PIK3R6: variants seen among roughly 807,000 people sequenced by gnomAD.
PIK3R6 encodes phosphoinositide-3-kinase regulatory subunit 6.
A neutral mutation model predicts 84.9 loss-of-function variants in PIK3R6; 91 were observed. The ratio of observed to expected loss-of-function variants is 1.07; its 90% CI spans 0.90 to 1.28. The LOEUF is 1.28. Among genes scored for constraint, PIK3R6 ranks in the 50% most tolerant of loss-of-function variants. The pLI, the probability that PIK3R6 is intolerant of heterozygous loss-of-function variation, is 0.00. For missense variants in PIK3R6, 996 were observed against 985.1 expected (o/e 1.01, Z -0.15); for synonymous variants, 416 against 411.4 (o/e 1.01, Z -0.13).
At chr17:8,814,697 C>T (rs1378157765) in intron 18 of PIK3R6, among the ~76,000 whole-genome samples, 2 of 152,048 alleles carry the variant, frequency 1.3e-5, no homozygotes, top group Non-Finnish European at 2.9e-5. Flanking sequence ...GGTCAAACAT[C>T]CTACTATTCA....
chr17:8,822,238 C>T (rs767344997), intron 16 of PIK3R6, among the ~76,000 whole-genome samples: 3 of 152,024 alleles, frequency 2.0e-5, no homozygotes, highest in Non-Finnish European at 4.4e-5. Flanking sequence ...CAGATAAAGG[C>T]TTAAAGCACT....
chr17:8,853,274 A>G (rs2089024476), intron 1 of PIK3R6, among the ~76,000 whole-genome samples: 2 of 151,894 alleles, frequency 1.3e-5, no homozygotes, highest in Admixed American at 1.3e-4. Context: ...TCACAGGATC[A>G]GCAGATGGAG....
At chr17:8,821,720 G>C in intron 17 of PIK3R6, 126 bp downstream of exon 17, 1 of 1,043,208 alleles carries the variant, frequency 9.6e-7, no homozygotes, top group Non-Finnish European at 1.4e-6. Context: ...CAGTCACCAA[G>C]TCCTGGTCCT....
At chr17:8,835,248 A>G (rs1469390327) in intron 8 of PIK3R6, 25 bp downstream of exon 8, 1 of 1,491,426 alleles carries the variant, frequency 6.7e-7, no homozygotes, top group African/African-American at 1.4e-5. Flanking sequence ...TGGGACTGAC[A>G]AGGGGCTGCA....
chr17:8,847,906 C>A (rs1488349518), intron 2 of PIK3R6, among the ~76,000 whole-genome samples: 1 of 152,120 alleles, frequency 6.6e-6, no homozygotes, highest in Non-Finnish European at 1.5e-5. Context: ...ATCTGCCACA[C>A]CTTTGGAGGG....
rs1320581313 is a variant in PIK3R6 at position 8,804,106 on chromosome 17, C to T, written c.2043G>A (p.Arg681=). 2 of 1,613,920 alleles carry T rather than the reference C, an allele frequency of 1.2e-6. No individual in the cohort carries two copies. The highest frequency in any genetic ancestry group is 1.7e-6 in the Non-Finnish European group (2 of 1,179,900). Residue 681 remains arginine (R), a synonymous_variant, in exon 19 of 20, where the codon CGG becomes CGA. Coordinates refer to ENST00000619866, the MANE Select transcript of PIK3R6 (RefSeq NM_001010855.4). ...FRTNNIQIQS[R]DQRLLTLSLD... Reference sequence around the variant, plus strand: ...GCGACAGTGTCAGCAGCCTCTGGTCCCGGCTCTGGATCTGGATATTGTTCG... The same window carrying T: ...GCGACAGTGTCAGCAGCCTCTGGTCTCGGCTCTGGATCTGGATATTGTTCG...
intron 17 of PIK3R6, among the ~76,000 whole-genome samples, chr17:8,821,224 T>A (rs768079574): frequency 2.0e-5 from 3 of 152,222 alleles, no homozygotes; most frequent in Non-Finnish European, 4.4e-5. Flanking sequence ...TGCATGAGAA[T>A]ACCTGGGTTT....
At chr17:8,835,058 G>A (rs2088404900) in intron 8 of PIK3R6, among the ~76,000 whole-genome samples, 1 of 152,144 alleles carries the variant, frequency 6.6e-6, no homozygotes. Flanking sequence ...GGCTGGTCTT[G>A]AACTCCTGAC....
chr17:8,865,995 C>A (rs750356398), intron 1 of PIK3R6, among the ~76,000 whole-genome samples: 3 of 152,148 alleles, frequency 2.0e-5, no homozygotes, highest in Non-Finnish European at 2.9e-5. Flanking sequence ...TCTGCAGCCA[C>A]CGTGTCAGCC....
intron 15 of PIK3R6, 47 bp from the exon 16 acceptor site, chr17:8,822,704 T>C: frequency 1.3e-6 from 2 of 1,576,224 alleles, no homozygotes; most frequent in Non-Finnish European, 1.7e-6. Context: ...CCCAGGCCTC[T>C]TGCCCTAACT....
At chr17:8,837,069 A>G in intron 5 of PIK3R6, 146 bp from the exon 6 acceptor site, 1 of 652,876 alleles carries the variant, frequency 1.5e-6, no homozygotes, top group East Asian at 2.7e-5. Context: ...ACCTGGGCTC[A>G]CAGCTCTCTC....
chr17:8,813,942 A>G (rs1421803534), intron 18 of PIK3R6, among the ~76,000 whole-genome samples: 1 of 152,230 alleles, frequency 6.6e-6, no homozygotes, highest in African/African-American at 2.4e-5. Context: ...AGGCATCCAA[A>G]TTGGAAAAGA....
chr17:8,827,763 G>GGAGGGA, intron 12 of PIK3R6, among the ~76,000 whole-genome samples: 1 of 34,838 alleles, frequency 2.9e-5, no homozygotes, highest in South Asian at 9.0e-4. Context: ...GAGAGAGAGA[G>GGAGGGA]GAGAGAGAGA....
Position 8,839,123 on chromosome 17 carries a change from G to A in PIK3R6, c.98-468C>T, listed in dbSNP as rs752427916. On this transcript the variant is annotated intron_variant, in intron 3 of 19. Coordinates refer to ENST00000619866, the MANE Select transcript of PIK3R6 (RefSeq NM_001010855.4). The surrounding 1 kb of genome is among the most constrained non-coding windows in gnomAD (Gnocchi z 4.2). Reference sequence around the variant, plus strand: ...AGCACTTTGGGAGGCTGAGACAGGCGGGTCACTTGCGGTCAGGAGTTCGAG... The same window carrying A: ...AGCACTTTGGGAGGCTGAGACAGGCAGGTCACTTGCGGTCAGGAGTTCGAG... Among the ~76,000 whole-genome samples the A allele has an allele frequency of 1.1e-4, 16 of 152,234 alleles. No homozygotes were observed. The highest frequency in any genetic ancestry group is 1.6e-4 in the Non-Finnish European group (11 of 68,014).
At chr17:8,821,622 C>T (rs1454762424) in intron 17 of PIK3R6, among the ~76,000 whole-genome samples, 1 of 152,176 alleles carries the variant, frequency 6.6e-6, no homozygotes, top group African/African-American at 2.4e-5. Context: ...GTCCCTCCAC[C>T]TTCCAGCTAT....
At position 8,825,806 on chromosome 17, in the gene PIK3R6, A is replaced by G. The variant is rs866039465; in HGVS notation, c.1515+1366T>C. Among the ~76,000 whole-genome samples, 17 of 152,382 alleles carry G rather than the reference A, an allele frequency of 1.1e-4. 1 individual carries two copies. The Middle Eastern group carries it at 0.02, about 183-fold the overall frequency. On this transcript the variant is annotated intron_variant, in intron 13 of 19. Coordinates refer to ENST00000619866, the MANE Select transcript of PIK3R6 (RefSeq NM_001010855.4). ...ATGACTCCAAAGGCAGAAACTGTAA[A>G]GAATAAAAGTGCTATGTCTGACTAC...
Position 8,833,940 on chromosome 17 carries a change from A to C in PIK3R6, c.646-895T>G, listed in dbSNP as rs1320986954. Among the ~76,000 whole-genome samples the C allele has an allele frequency of 2.0e-5, 3 of 151,658 alleles. No homozygotes were observed. The East Asian group carries it at 6.0e-4, about 30-fold the overall frequency. ...TCTCAGCACTTTGGAAGGCCGGGGT[A>C]GGTGGATCACGAGGTCAGGAGATGG... On this transcript the variant is annotated intron_variant, in intron 8 of 19. Coordinates refer to ENST00000619866, the MANE Select transcript of PIK3R6 (RefSeq NM_001010855.4).
intron 2 of PIK3R6, among the ~76,000 whole-genome samples, chr17:8,847,214 T>G (rs979378388): frequency 6.6e-6 from 1 of 152,160 alleles, no homozygotes; most frequent in African/African-American, 2.4e-5. Context: ...TGTCACATAT[T>G]GCCTCTCCAA....
At chr17:8,858,227 T>C (rs775212744) in intron 1 of PIK3R6, among the ~76,000 whole-genome samples, 6 of 151,814 alleles carry the variant, frequency 4.0e-5, no homozygotes, top group Non-Finnish European at 8.8e-5. Flanking sequence ...TGTCTTCGTT[T>C]CAGGAATGAG....
Sources: allele counts gnomAD v4.1 joint callset (sites outside exome capture counted in the v4.1 genomes callset), GRCh38; gene constraint gnomAD v4.1.1; non-coding constraint Gnocchi (gnomAD v3.1); transcripts MANE v1.5; gene names NCBI Gene and HGNC (gene_info 2026-07-23, HGNC 2026-07-21).